CCSER1: variants seen among roughly 807,000 people sequenced by gnomAD.
CCSER1 encodes coiled-coil serine rich protein 1, also known as serine-rich coiled-coil domain-containing protein 1.
In CCSER1, 41 loss-of-function variants were observed where a neutral mutation model predicts 82.0. The ratio of observed to expected loss-of-function variants is 0.50; its 90% CI spans 0.39 to 0.65. The LOEUF is 0.65. CCSER1 is among the 30% of genes least tolerant of loss of function. The probability of loss-of-function intolerance (pLI) is 0.00; values close to 1 mark genes in which losing one functional copy is unlikely to be tolerated. For synonymous variants in CCSER1, 414 were observed against 383.9 expected, an observed-to-expected ratio of 1.08 and a Z score of -0.92; for missense variants, 1,119 against 1,064.2, an observed-to-expected ratio of 1.05 and a Z score of -0.72.
chr4:91,431,062 C>A (rs559628847), intron 10 of CCSER1, among the ~76,000 whole-genome samples: 37 of 152,148 alleles, frequency 2.4e-4, no homozygotes, highest in African/African-American at 8.4e-4. Flanking sequence ...CGGTGAAACC[C>A]CGTCTCTACT....
At chr4:90,635,858 C>G (rs578161106) in intron 6 of CCSER1, among the ~76,000 whole-genome samples, 95 of 151,900 alleles carry the variant, frequency 6.3e-4, no homozygotes, top group African/African-American at 2.2e-3. Flanking sequence ...TGTATACACA[C>G]ATTCAGAGAT....
chr4:90,295,754 A>T (rs1337197796), intron 1 of CCSER1, among the ~76,000 whole-genome samples: 1 of 152,096 alleles, frequency 6.6e-6, no homozygotes, highest in Non-Finnish European at 1.5e-5. Flanking sequence ...TTAGTGCTCC[A>T]GAGCTTTCCC....
At chr4:90,556,775 CAG>C (rs1346585409) in intron 5 of CCSER1, among the ~76,000 whole-genome samples, 3 of 151,436 alleles carry the variant, frequency 2.0e-5, no homozygotes, top group Admixed American at 6.6e-5. Flanking sequence ...CTTGCTGTCT[CAG>C]GGGTGGCAGA....
At chr4:90,154,350 G>T (rs529946981) in intron 1 of CCSER1, among the ~76,000 whole-genome samples, 46 of 152,198 alleles carry the variant, frequency 3.0e-4, no homozygotes, top group Non-Finnish European at 5.1e-4. Flanking sequence ...TAGGATTGAC[G>T]TGGCGATGCG....
intron 9 of CCSER1, among the ~76,000 whole-genome samples, chr4:91,057,405 G>A (rs76968348): frequency 0.028 from 4,277 of 152,082 alleles, 96 homozygotes; most frequent in Non-Finnish European, 0.045. Context: ...CCCCTTTGTC[G>A]TTCCAGAATC....
chr4:90,919,523 C>T (rs1728066942), intron 8 of CCSER1, among the ~76,000 whole-genome samples: 1 of 151,778 alleles, frequency 6.6e-6, no homozygotes, highest in African/African-American at 2.4e-5. Flanking sequence ...CTACTAATGG[C>T]ATCTATTATT....
At chr4:90,998,504 C>G (rs570505309) in intron 9 of CCSER1, among the ~76,000 whole-genome samples, 1 of 152,086 alleles carries the variant, frequency 6.6e-6, no homozygotes, top group African/African-American at 2.4e-5. Context: ...AATTACATTT[C>G]GTTTTTAATA....
chr4:90,323,089 A>T lies in CCSER1; in HGVS notation c.1509+10042A>T, dbSNP rs1362444001. On this transcript the variant is annotated intron_variant, in intron 3 of 10. Transcript: ENST00000509176. ...GGGTCTAGAATCAGTGGCTTCAGGA[A>T]TATGCAGGGTGCTTCATTTTAATGT... Among the ~76,000 whole-genome samples the T allele has an allele frequency of 6.6e-5, 10 of 152,284 alleles. No homozygotes were observed. In the East Asian group the frequency reaches 1.9e-3, roughly 29 times the overall value.
At chr4:90,352,871 ATATT>A (rs1272294495) in intron 3 of CCSER1, among the ~76,000 whole-genome samples, 2 of 152,162 alleles carry the variant, frequency 1.3e-5, no homozygotes, top group Non-Finnish European at 2.9e-5. Flanking sequence ...TCTTTAGATA[ATATT>A]TAATTTGTTT....
At chr4:90,324,857 A>T (rs570525031) in intron 3 of CCSER1, among the ~76,000 whole-genome samples, 4 of 152,156 alleles carry the variant, frequency 2.6e-5, no homozygotes, top group Non-Finnish European at 5.9e-5. Context: ...ATAAGGTGTA[A>T]GGAAGGGATC....
At chr4:90,412,151 C>G (rs1015777124) in intron 4 of CCSER1, among the ~76,000 whole-genome samples, 49 of 151,940 alleles carry the variant, frequency 3.2e-4, no homozygotes, top group Non-Finnish European at 2.2e-4. Flanking sequence ...AGGATGAGTT[C>G]ATATCCTTTG....
Position 90,334,713 on chromosome 4 carries a change from C to A in CCSER1, c.1509+21666C>A, listed in dbSNP as rs114785950. 1.9e-3 allele frequency among the ~76,000 whole-genome samples: 295 copies of A among 152,152 alleles called. 1 individual carries two copies. Among genetic ancestry groups the A allele is most frequent in the Non-Finnish European group, 3.5e-3 (235 of 67,980 alleles). On this transcript the variant is annotated intron_variant, in intron 3 of 10. Transcript: ENST00000509176. ...ATAATCATGAACTTATCAATTAAAT[C>A]TATTAGGGAGAATGGCAATAATGAC...
chr4:90,610,024 C>T (rs1048340429), intron 5 of CCSER1, among the ~76,000 whole-genome samples: 5 of 151,876 alleles, frequency 3.3e-5, no homozygotes, highest in South Asian at 2.1e-4. Flanking sequence ...AGGCCAAGGC[C>T]GGTGGATCAC....
chr4:90,853,760 T>C (rs1764141967), intron 8 of CCSER1, among the ~76,000 whole-genome samples: 1 of 152,190 alleles, frequency 6.6e-6, no homozygotes, highest in African/African-American at 2.4e-5. Flanking sequence ...TCTTGTGTTT[T>C]ATTTCACATT....
rs1725244126 is a variant in CCSER1, at chr4:90,266,460, C to T, written c.-41-41784C>T. Among the ~76,000 whole-genome samples the T allele has an allele frequency of 2.0e-5, 3 of 150,544 alleles. No homozygotes were observed. The South Asian group carries it at 6.3e-4, about 32-fold the overall frequency. On this transcript the variant is annotated intron_variant, in intron 1 of 10. Coordinates refer to ENST00000509176, the MANE Select transcript of CCSER1 (RefSeq NM_001145065.2). ...GTGGAGCAAGATGACCAAATGGAAA[C>T]CTCCACTGACTTGTCTACACAAAAA...
intron 10 of CCSER1, among the ~76,000 whole-genome samples, chr4:91,577,193 G>C (rs1292187388): frequency 2.6e-5 from 4 of 151,714 alleles, no homozygotes; most frequent in African/African-American, 9.7e-5. Context: ...GAGATTATCT[G>C]CTTAGCTCAA....
chr4:91,352,227 G>A lies in CCSER1; in HGVS notation c.2218-246345G>A, dbSNP rs560636967. ...AACAACATTGCTCATTGTATAATAG[G>A]CTTAGGAAAATTTATTTTATTTTAG... On this transcript the variant is annotated intron_variant, in intron 10 of 10. Transcript: ENST00000509176. Among the ~76,000 whole-genome samples, 3 of 152,200 alleles carry A rather than the reference G, an allele frequency of 2.0e-5. No homozygotes were observed. The East Asian group carries it at 5.8e-4, about 29-fold the overall frequency.
chr4:90,646,918 G>A (rs567958185), intron 6 of CCSER1, among the ~76,000 whole-genome samples: 2 of 152,098 alleles, frequency 1.3e-5, no homozygotes, highest in South Asian at 2.1e-4. Flanking sequence ...TACACAGAAC[G>A]CAAAATTGCT....
At chr4:91,177,576 A>G (rs1733533417) in intron 10 of CCSER1, among the ~76,000 whole-genome samples, 1 of 151,978 alleles carries the variant, frequency 6.6e-6, no homozygotes, top group Non-Finnish European at 1.5e-5. Context: ...GAATTTTTCC[A>G]TTTCTTTTAG....
Sources: gnomAD v4.1 joint callset for allele counts (sites outside exome capture counted in the v4.1 genomes callset) on GRCh38, gnomAD v4.1.1 for gene constraint, MANE v1.5 for transcripts, NCBI Gene and HGNC (gene_info 2026-07-23, HGNC 2026-07-21) for gene names.